CA10: variants seen among roughly 807,000 people sequenced by gnomAD.
The protein encoded by CA10 is carbonic anhydrase-related protein 10.
Under a neutral mutation model 44.2 loss-of-function variants are expected in CA10, and 14 were observed. The observed-to-expected ratio is 0.32, with a 90% CI of 0.21 to 0.50. The LOEUF is 0.50. Ranked by LOEUF, CA10 falls within the 20% of genes least tolerant of loss-of-function variation. CA10 has a pLI of 0.99. For synonymous variants in CA10, 159 were observed against 141.6 expected, an observed-to-expected ratio of 1.12 and a Z score of -0.87; for missense variants, 350 against 409.7, an observed-to-expected ratio of 0.85 and a Z score of 1.26.
chr17:51,872,182 T>A (rs187872803), intron 3 of CA10, among the ~76,000 whole-genome samples: 1 of 152,216 alleles, frequency 6.6e-6, no homozygotes, highest in African/African-American at 2.4e-5. Context: ...CTCCCATAAG[T>A]CTCTGGCTAG....
intron 4 of CA10, among the ~76,000 whole-genome samples, chr17:51,710,921 C>CTTTT (rs55854155): frequency 1.4e-3 from 117 of 84,446 alleles, no homozygotes; most frequent in East Asian, 2.2e-3. Context: ...CAACATTTTG[C>CTTTT]TTTTTTTTTT....
At chr17:51,895,398 T>G (rs1981025951) in intron 3 of CA10, among the ~76,000 whole-genome samples, 1 of 152,058 alleles carries the variant, frequency 6.6e-6, no homozygotes, top group Non-Finnish European at 1.5e-5. Flanking sequence ...GGGAATGACA[T>G]TTTTAGACAT....
At chr17:51,636,724 A>C (rs1045298872) in intron 6 of CA10, among the ~76,000 whole-genome samples, 5 of 151,784 alleles carry the variant, frequency 3.3e-5, no homozygotes, top group African/African-American at 1.2e-4. Context: ...AAAGTAAATC[A>C]GGCCAAATCC....
At chr17:51,868,211 ATC>A (rs1324286107) in intron 3 of CA10, among the ~76,000 whole-genome samples, 1 of 152,058 alleles carries the variant, frequency 6.6e-6, no homozygotes, top group Non-Finnish European at 1.5e-5. Context: ...AACCACGGTA[ATC>A]TCTGCTACCA....
At chr17:51,861,630 CAA>C (rs1310413139) in intron 3 of CA10, among the ~76,000 whole-genome samples, 13 of 150,778 alleles carry the variant, frequency 8.6e-5, no homozygotes, top group Non-Finnish European at 1.5e-5. Flanking sequence ...CTCAGCATAG[CAA>C]AGAGAGAGCA....
rs971155340 is a variant in CA10, at chr17:51,659,374, G to T, written c.466-5638C>A. On this transcript the variant is annotated intron_variant, in intron 4 of 8. Transcript: ENST00000451037. Reference sequence around the variant, plus strand: ...GGGGATTACACCATCAGCACCTCCTGGTTCTCCAGCTTGCAGACTGCACAT... The same window carrying T: ...GGGGATTACACCATCAGCACCTCCTTGTTCTCCAGCTTGCAGACTGCACAT... Among the ~76,000 whole-genome samples, 4 of 152,072 alleles carry T rather than the reference G, an allele frequency of 2.6e-5. No homozygotes were observed. In the East Asian group the frequency reaches 7.7e-4, roughly 29 times the overall value.
At chr17:51,897,734 T>G (rs1257087436) in intron 3 of CA10, among the ~76,000 whole-genome samples, 3 of 152,202 alleles carry the variant, frequency 2.0e-5, no homozygotes, top group Non-Finnish European at 4.4e-5. Flanking sequence ...TCATCTCTGA[T>G]TTCCTTGAGA....
chr17:52,084,591 T>C (rs1988070213), intron 1 of CA10, among the ~76,000 whole-genome samples: 1 of 151,846 alleles, frequency 6.6e-6, no homozygotes, highest in Admixed American at 6.6e-5. Flanking sequence ...ATGAGGATGA[T>C]TCTCAAATTT....
intron 1 of CA10, among the ~76,000 whole-genome samples, chr17:52,135,492 G>A (rs1356981935): frequency 6.6e-6 from 1 of 152,078 alleles, no homozygotes; most frequent in Non-Finnish European, 1.5e-5. Context: ...AATTGCACAG[G>A]ACCACGTTTC....
chr17:51,993,540 G>A (rs1985119172), intron 2 of CA10, among the ~76,000 whole-genome samples: 1 of 152,006 alleles, frequency 6.6e-6, no homozygotes, highest in East Asian at 1.9e-4. Flanking sequence ...CCTCCCCAGT[G>A]CCTCAGGTGT....
chr17:51,719,796 G>A (rs896000914), intron 4 of CA10, among the ~76,000 whole-genome samples: 4 of 152,116 alleles, frequency 2.6e-5, no homozygotes, highest in Non-Finnish European at 1.5e-5. Flanking sequence ...AGTTGAGGTG[G>A]GGGGTGTATC....
chr17:52,133,490 A>G (rs947740286), intron 1 of CA10, among the ~76,000 whole-genome samples: 1 of 152,308 alleles, frequency 6.6e-6, no homozygotes, highest in South Asian at 2.1e-4. Context: ...AGGCTTCAGG[A>G]TTTGGGGAGA....
intron 1 of CA10, among the ~76,000 whole-genome samples, chr17:52,143,191 C>T (rs752194515): frequency 6.6e-5 from 10 of 152,156 alleles, no homozygotes; most frequent in African/African-American, 9.7e-5. Flanking sequence ...CCATCAATGA[C>T]ATATCTATCC....
chr17:51,853,372 T>C (rs531801249), intron 3 of CA10, among the ~76,000 whole-genome samples: 111 of 152,294 alleles, frequency 7.3e-4, no homozygotes, highest in Non-Finnish European at 1.5e-3. Flanking sequence ...GCCTGGAGCT[T>C]GTCTGCTGTC....
At chr17:51,908,324 G>T (rs915520512) in intron 3 of CA10, among the ~76,000 whole-genome samples, 1 of 152,168 alleles carries the variant, frequency 6.6e-6, no homozygotes, top group Admixed American at 6.6e-5. Flanking sequence ...CATCAGGAGA[G>T]CCCAGAGTCA....
chr17:51,679,430 C>G (rs1379039636), intron 4 of CA10, among the ~76,000 whole-genome samples: 3 of 151,548 alleles, frequency 2.0e-5, no homozygotes, highest in Non-Finnish European at 4.4e-5. Context: ...CAGCTAATTC[C>G]TTTTTTATTT....
chr17:51,690,589 A>G (rs938565778), intron 4 of CA10, among the ~76,000 whole-genome samples: 5 of 152,126 alleles, frequency 3.3e-5, no homozygotes, highest in African/African-American at 9.7e-5. Context: ...TGTGATAGTG[A>G]ATAAGTCTCA....
At chr17:52,105,182 G>T (rs1018600920) in intron 1 of CA10, among the ~76,000 whole-genome samples, 3 of 113,490 alleles carry the variant, frequency 2.6e-5, no homozygotes, top group African/African-American at 6.0e-5. Flanking sequence ...ATGCATTAAA[G>T]CTTCAAAACC....
At position 52,052,303 on chromosome 17, in the gene CA10, A is replaced by T. The variant is rs138836838; in HGVS notation, c.136+20016T>A. 9.5e-3 allele frequency among the ~76,000 whole-genome samples: 1,140 copies of T among 119,760 alleles called. 10 individuals are homozygous for T. Among genetic ancestry groups the T allele is most frequent in the South Asian group, 0.016 (47 of 3,006 alleles). The allele number at this position is 119,760 out of a possible 152,430, so 78.6% of individuals were successfully genotyped here. A position where few individuals can be genotyped will look rare whatever the true frequency, so the allele number is the denominator to read the frequency against. ...AACTTAAAAGGCTTTTTTTTTTAAA[A>T]AAAAAAAAAAAAAGACAGGCATTCA... On this transcript the variant is annotated intron_variant, in intron 2 of 8. Coordinates refer to ENST00000451037, the MANE Select transcript of CA10 (RefSeq NM_020178.5).
Sources: allele counts gnomAD v4.1 joint callset (sites outside exome capture counted in the v4.1 genomes callset), GRCh38; gene constraint gnomAD v4.1.1; transcripts MANE v1.5; gene names NCBI Gene and HGNC (gene_info 2026-07-23, HGNC 2026-07-21).